The following COL25A1 variants were observed in gnomAD, a reference collection of about 807,000 sequenced individuals.
COL25A1 encodes collagen type XXV alpha 1 chain.
In COL25A1, 103 loss-of-function variants were observed where a neutral mutation model predicts 128.4. The ratio of observed to expected loss-of-function variants is 0.80; its 90% CI spans 0.68 to 0.94. The LOEUF (loss-of-function observed/expected upper bound fraction) is 0.94. Ranked by LOEUF, COL25A1 falls within the 40% of genes least tolerant of loss-of-function variation. The pLI is 0.00. For missense variants in COL25A1, 745 were observed against 840.0 expected (o/e 0.89, Z 1.40); for synonymous variants, 279 against 277.2 (o/e 1.01, Z -0.06).
intron 3 of COL25A1, among the ~76,000 whole-genome samples, chr4:109,210,987 A>C (rs1777453745): frequency 6.6e-6 from 1 of 151,986 alleles, no homozygotes; most frequent in Non-Finnish European, 1.5e-5. Context: ...ACATGGGCAC[A>C]AAGAAGGGAA....
At chr4:109,098,541 ATATTAT>A (rs147984971) in intron 3 of COL25A1, among the ~76,000 whole-genome samples, 34,863 of 151,850 alleles carry the variant, frequency 0.23, 5,088 homozygotes, top group African/African-American at 0.4. Context: ...ATTATGATCA[ATATTAT>A]GCATCATTTT....
intron 6 of COL25A1, among the ~76,000 whole-genome samples, chr4:108,995,319 C>A (rs141941896): frequency 2.0e-5 from 3 of 152,070 alleles, no homozygotes; most frequent in African/African-American, 7.2e-5. Flanking sequence ...CTTCGTGACA[C>A]GTGCACAAGC....
chr4:109,014,453 A>T (rs767628253), intron 5 of COL25A1, among the ~76,000 whole-genome samples: 3 of 152,172 alleles, frequency 2.0e-5, no homozygotes, highest in Admixed American at 6.5e-5. Flanking sequence ...TATAGTTGTG[A>T]TATTTTCAGA....
intron 3 of COL25A1, among the ~76,000 whole-genome samples, chr4:109,051,095 C>T (rs1045070812): frequency 6.6e-6 from 1 of 152,096 alleles, no homozygotes; most frequent in African/African-American, 2.4e-5. Context: ...TGAGGTCTTA[C>T]AATATTTGCC....
chr4:108,884,941 T>G (rs1178287368), intron 18 of COL25A1, among the ~76,000 whole-genome samples: 1 of 152,176 alleles, frequency 6.6e-6, no homozygotes, highest in Non-Finnish European at 1.5e-5. Context: ...GTTGTCTACA[T>G]TATTTTAAGC....
chr4:108,842,197 G>A (rs1734530213), intron 30 of COL25A1, among the ~76,000 whole-genome samples: 1 of 152,152 alleles, frequency 6.6e-6, no homozygotes, highest in African/African-American at 2.4e-5. Flanking sequence ...ATCTAAAGGA[G>A]ACATGAAGTG....
intron 3 of COL25A1, among the ~76,000 whole-genome samples, chr4:109,108,785 G>A (rs1330852939): frequency 2.0e-5 from 3 of 151,956 alleles, no homozygotes; most frequent in Admixed American, 2.0e-4. Flanking sequence ...TAGCAATAAA[G>A]TATTTTAAAT....
chr4:109,209,370 C>A (rs1332063645), intron 3 of COL25A1, among the ~76,000 whole-genome samples: 1 of 151,902 alleles, frequency 6.6e-6, no homozygotes, highest in Admixed American at 6.6e-5. Context: ...TGTTCATATG[C>A]GTCTGAATAA....
chr4:109,131,617 A>T (rs1769209565), intron 3 of COL25A1, among the ~76,000 whole-genome samples: 1 of 152,194 alleles, frequency 6.6e-6, no homozygotes, highest in Non-Finnish European at 1.5e-5. Context: ...GATATCACCA[A>T]CCAACCAGAG....
intron 3 of COL25A1, among the ~76,000 whole-genome samples, chr4:109,196,717 G>C (rs979885753): frequency 6.6e-6 from 1 of 152,138 alleles, no homozygotes; most frequent in African/African-American, 2.4e-5. Flanking sequence ...TCATACATAT[G>C]TTACACTCCC....
At chr4:108,836,778 G>A (rs1211284754) in intron 31 of COL25A1, among the ~76,000 whole-genome samples, 1 of 152,088 alleles carries the variant, frequency 6.6e-6, no homozygotes, top group Non-Finnish European at 1.5e-5. Flanking sequence ...TCTAACTGGT[G>A]TGATTAAACC....
At chr4:108,951,206 T>C (rs1442165155) in intron 8 of COL25A1, among the ~76,000 whole-genome samples, 1 of 151,960 alleles carries the variant, frequency 6.6e-6, no homozygotes, top group Non-Finnish European at 1.5e-5. Context: ...AGGGAAGTAG[T>C]GGAAAGCCAT....
At chr4:109,276,612 G>C (rs758123611) in intron 3 of COL25A1, among the ~76,000 whole-genome samples, 3 of 152,040 alleles carry the variant, frequency 2.0e-5, no homozygotes, top group Non-Finnish European at 2.9e-5. Flanking sequence ...AGAGGTTAGG[G>C]AAGGAAACAT....
intron 3 of COL25A1, among the ~76,000 whole-genome samples, chr4:109,245,445 GGT>G (rs1424601211): frequency 4.0e-5 from 6 of 150,138 alleles, no homozygotes; most frequent in African/African-American, 1.3e-4. Flanking sequence ...AAATAACAAA[GGT>G]ATCCTATCAT....
chr4:108,943,405 C>G (rs1387575714), intron 8 of COL25A1, among the ~76,000 whole-genome samples: 4 of 152,148 alleles, frequency 2.6e-5, no homozygotes, highest in Non-Finnish European at 1.5e-5. Context: ...CAGCACACCT[C>G]ACAAAATATA....
At position 108,809,855 on chromosome 4, in the gene COL25A1, A is replaced by G. The variant is rs1730657372; in HGVS notation, c.*4072T>C. ...ATTCCACTAGGGATGTATGATTTTA[A>G]TAGCCAGAATCACATGTGATTGTTC... On this transcript the variant is annotated 3_prime_UTR_variant, in exon 38 of 38. Coordinates refer to ENST00000399132, the MANE Select transcript of COL25A1 (RefSeq NM_198721.4). 6.6e-6 allele frequency: 1 copy of G among 152,068 alleles called. No individual in the cohort carries two copies. The highest frequency in any genetic ancestry group is 2.4e-5 in the African/African-American group (1 of 41,452). 9.4% of individuals were successfully genotyped at this position (152,068 alleles called of 1,614,324 possible). A position where few individuals can be genotyped will look rare whatever the true frequency, so the allele number is the denominator to read the frequency against.
chr4:108,859,526 G>T (rs1736911111), intron 24 of COL25A1, 130 bp downstream of exon 24: 1 of 607,244 alleles, frequency 1.6e-6, no homozygotes, highest in Non-Finnish European at 2.9e-6. Context: ...TTGAGAACAG[G>T]GAGAAGGGGT....
intron 5 of COL25A1, among the ~76,000 whole-genome samples, chr4:109,037,009 G>T (rs1759422356): frequency 6.6e-6 from 1 of 152,156 alleles, no homozygotes; most frequent in Non-Finnish European, 1.5e-5. Context: ...GACCATGTCT[G>T]CAGTACAGGA....
At chr4:108,942,794 C>T (rs936599532) in intron 8 of COL25A1, among the ~76,000 whole-genome samples, 3 of 124,142 alleles carry the variant, frequency 2.4e-5, no homozygotes, top group African/African-American at 6.6e-5. Context: ...CTTGCTCTGT[C>T]ACCCAGGCCG....
Sources: allele counts gnomAD v4.1 joint callset (sites outside exome capture counted in the v4.1 genomes callset), GRCh38; gene constraint gnomAD v4.1.1; transcripts MANE v1.5; gene names NCBI Gene and HGNC (gene_info 2026-07-23, HGNC 2026-07-21).